Variants in ZNF169 observed in about 807,000 individuals in gnomAD.
ZNF169 encodes zinc finger protein 169.
A neutral mutation model predicts 12.0 loss-of-function variants in ZNF169; 11 were observed. The observed-to-expected ratio is 0.92, with a 90% CI of 0.58 to 1.52. The LOEUF is 1.52. Ranked by LOEUF, ZNF169 falls within the 40% of genes most tolerant of loss-of-function variation. The probability of loss-of-function intolerance (pLI) is 0.00; values close to 1 mark genes in which losing one functional copy is unlikely to be tolerated. For missense variants in ZNF169, 722 were observed against 744.0 expected (o/e 0.97, Z 0.34); for synonymous variants, 302 against 286.5 (o/e 1.05, Z -0.55).
chr9:94,277,711 C>T (rs1198792595), intron 1 of ZNF169, among the ~76,000 whole-genome samples: 1 of 151,924 alleles, frequency 6.6e-6, no homozygotes, highest in Middle Eastern at 3.2e-3. Context: ...GCGGGCGGAT[C>T]ACGAGGTCAG....
intron 4 of ZNF169, chr9:94,296,816 C>A: frequency 2.2e-6 from 1 of 456,634 alleles, no homozygotes; most frequent in Non-Finnish European, 4.4e-6. Flanking sequence ...GAAGCTTAGG[C>A]AGGCGGATCA....
At chr9:94,299,319 T>G in intron 4 of ZNF169, 1 of 404,008 alleles carries the variant, frequency 2.5e-6, no homozygotes, top group Non-Finnish European at 4.3e-6. Context: ...CTACAGCTTA[T>G]CTGATTCGTG....
intron 1 of ZNF169, among the ~76,000 whole-genome samples, chr9:94,276,652 G>A (rs959062289): frequency 8.5e-5 from 13 of 152,150 alleles, no homozygotes; most frequent in African/African-American, 3.1e-4. Flanking sequence ...GCCTCCCAAA[G>A]TGCTGGGATT....
intron 2 of ZNF169, among the ~76,000 whole-genome samples, chr9:94,288,962 A>C (rs1411097100): frequency 6.6e-6 from 1 of 152,218 alleles, no homozygotes. Context: ...TGAATTTCCT[A>C]AACTTGTTGA....
At chr9:94,293,134 A>G (rs769976561) in intron 4 of ZNF169, 65 bp downstream of exon 4, 10 of 1,419,052 alleles carry the variant, frequency 7.0e-6, no homozygotes, top group Admixed American at 3.6e-5. Context: ...GTAAGGAAGG[A>G]GGGGCTATCT....
At chr9:94,288,026 A>C in intron 2 of ZNF169, 2 of 777,098 alleles carry the variant, frequency 2.6e-6, no homozygotes, top group South Asian at 2.8e-5. Context: ...GGAATTCATC[A>C]GTCTTGTAGC....
chr9:94,292,462 C>T lies in ZNF169; in HGVS notation c.155C>T (p.Ser52Phe), dbSNP rs547412862. The change falls in exon 3 of 5, where the codon TCC becomes TTC. Residue 52 changes from serine to phenylalanine, a missense_variant. Coordinates refer to ENST00000395395, the MANE Select transcript of ZNF169 (RefSeq NM_194320.4). ...VMLENYSHLV[S>F]LGIAFSKPKL... ...CTGGAGAACTACAGCCATCTGGTCT[C>T]CCTGGGTAAGGCTGGCCTGTTTAAG... 2 of 1,613,704 alleles carry T rather than the reference C, an allele frequency of 1.2e-6. No individual in the cohort carries two copies. Among genetic ancestry groups the T allele is most frequent in the East Asian group, 2.2e-5 (1 of 44,872 alleles).
chr9:94,288,454 G>A, intron 2 of ZNF169: 1 of 1,070,700 alleles, frequency 9.3e-7, no homozygotes, highest in Non-Finnish European at 1.4e-6. Flanking sequence ...CTTCTCTTTT[G>A]TTTTCAAATC....
intron 2 of ZNF169, among the ~76,000 whole-genome samples, chr9:94,291,720 TA>T (rs1239707273): frequency 1.3e-5 from 2 of 151,980 alleles, no homozygotes; most frequent in African/African-American, 4.8e-5. Flanking sequence ...TAAAATTACT[TA>T]AAAAAAAGAA....
intron 1 of ZNF169, among the ~76,000 whole-genome samples, chr9:94,276,272 T>C (rs191389142): frequency 6.6e-6 from 1 of 152,098 alleles, no homozygotes; most frequent in Admixed American, 6.6e-5. Flanking sequence ...GGGTCTCTTT[T>C]TTTTGTTCTT....
chr9:94,276,543 GC>G (rs1830523027), intron 1 of ZNF169, among the ~76,000 whole-genome samples: 1 of 152,016 alleles, frequency 6.6e-6, no homozygotes, highest in Non-Finnish European at 1.5e-5. Context: ...ACAGACGTGA[GC>G]CACTGTGCCT....
intron 3 of ZNF169, 140 bp downstream of exon 3, chr9:94,292,607 T>TTGTGTG (rs138361295): frequency 3.5e-4 from 239 of 678,806 alleles, no homozygotes; most frequent in South Asian, 2.1e-3. Flanking sequence ...CACAGTGCAG[T>TTGTGTG]TGTGTGTGTG....
At chr9:94,288,333 C>T in intron 2 of ZNF169, 1 of 992,620 alleles carries the variant, frequency 1.0e-6, no homozygotes, top group Admixed American at 1.7e-5. Context: ...TGTTCTATTT[C>T]TCTGTAAATG....
At chr9:94,264,981 G>T (rs1288178868) in intron 1 of ZNF169, among the ~76,000 whole-genome samples, 1 of 113,280 alleles carries the variant, frequency 8.8e-6, no homozygotes, top group Non-Finnish European at 1.9e-5. Context: ...TTTTTCCAGG[G>T]TTCTTTTACT....
intron 2 of ZNF169, among the ~76,000 whole-genome samples, chr9:94,291,640 AACAG>A (rs150260857): frequency 0.012 from 1,790 of 152,318 alleles, 39 homozygotes; most frequent in African/African-American, 0.041. Flanking sequence ...TAGAAGAAAA[AACAG>A]ACAAACAATT....
intron 4 of ZNF169, among the ~76,000 whole-genome samples, chr9:94,298,264 C>G (rs1235367801): frequency 6.6e-6 from 1 of 152,056 alleles, no homozygotes; most frequent in Non-Finnish European, 1.5e-5. Flanking sequence ...GATAAACTAG[C>G]CATGAATAAG....
chr9:94,296,685 C>T, intron 4 of ZNF169: 1 of 447,118 alleles, frequency 2.2e-6, no homozygotes, highest in Non-Finnish European at 4.5e-6. Flanking sequence ...TGTGATAGGT[C>T]TATACCTGGA....
At chr9:94,266,972 G>A (rs11791619) in intron 1 of ZNF169, among the ~76,000 whole-genome samples, 56,143 of 149,740 alleles carry the variant, frequency 0.37, 10,923 homozygotes, top group Middle Eastern at 0.45. Context: ...GCAGTGGCGC[G>A]ATCTTGGCTC....
intron 4 of ZNF169, chr9:94,296,797 C>A: frequency 2.2e-6 from 1 of 456,818 alleles, no homozygotes; most frequent in South Asian, 1.5e-5. Flanking sequence ...AATCCTCCAT[C>A]TTCTTTGGGA....
Sources: gnomAD v4.1 joint callset for allele counts (sites outside exome capture counted in the v4.1 genomes callset) on GRCh38, gnomAD v4.1.1 for gene constraint, MANE v1.5 for transcripts, NCBI Gene and HGNC (gene_info 2026-07-23, HGNC 2026-07-21) for gene names.